ROBO1: variants seen among roughly 807,000 people sequenced by gnomAD.
The protein encoded by ROBO1 is roundabout guidance receptor 1.
ROBO1 carries 149 observed loss-of-function variants against 195.9 expected under a neutral mutation model. That is an observed-to-expected ratio of 0.76 (90% confidence interval 0.67 to 0.87). The LOEUF (loss-of-function observed/expected upper bound fraction) is 0.87. Among genes scored for constraint, ROBO1 ranks in the 40% least tolerant of loss-of-function variants. The pLI, the probability that ROBO1 is intolerant of heterozygous loss-of-function variation, is 0.00. For missense variants in ROBO1, 1,933 were observed against 2,068.3 expected (o/e 0.93, Z 1.27); for synonymous variants, 816 against 733.2 (o/e 1.11, Z -1.82).
intron 9 of ROBO1, among the ~76,000 whole-genome samples, chr3:78,687,243 G>A (rs186452655): frequency 5.3e-5 from 8 of 152,222 alleles, no homozygotes; most frequent in Admixed American, 5.2e-4. Flanking sequence ...CTTCTAAAAT[G>A]CACTTAAAAT....
chr3:78,904,760 A>G (rs2037802968), intron 4 of ROBO1, among the ~76,000 whole-genome samples: 1 of 150,380 alleles, frequency 6.6e-6, no homozygotes, highest in Non-Finnish European at 1.5e-5. Context: ...ATATGTGTGT[A>G]TATATATGTA....
intron 2 of ROBO1, among the ~76,000 whole-genome samples, chr3:79,278,363 C>T (rs1027620757): frequency 1.3e-5 from 2 of 150,010 alleles, no homozygotes; most frequent in Admixed American, 1.3e-4. Context: ...CAAAAGCAAC[C>T]CTGAGCAAAA....
intron 10 of ROBO1, among the ~76,000 whole-genome samples, chr3:78,677,517 T>G (rs1708512236): frequency 6.6e-6 from 1 of 151,922 alleles, no homozygotes; most frequent in Non-Finnish European, 1.5e-5. Flanking sequence ...AGGCAGGGGT[T>G]GCAATCCTAG....
At chr3:79,452,099 C>A (rs1028076546) in intron 2 of ROBO1, among the ~76,000 whole-genome samples, 2 of 151,962 alleles carry the variant, frequency 1.3e-5, no homozygotes, top group African/African-American at 4.8e-5. Flanking sequence ...GTCCCAGTTA[C>A]CATTGTCTTT....
At chr3:79,056,852 T>C (rs2078819161) in intron 3 of ROBO1, among the ~76,000 whole-genome samples, 1 of 152,050 alleles carries the variant, frequency 6.6e-6, no homozygotes, top group African/African-American at 2.4e-5. Context: ...TTCTTCCTCA[T>C]TCTGTGTCAA....
intron 3 of ROBO1, among the ~76,000 whole-genome samples, chr3:79,089,023 A>T (rs2311353): frequency 1 from 151,835 of 152,204 alleles, 75,736 homozygotes; most frequent in Non-Finnish European, 1. Flanking sequence ...GAAAACTTGT[A>T]TTCCTCGCTT....
At chr3:79,314,107 G>T (rs546382961) in intron 2 of ROBO1, among the ~76,000 whole-genome samples, 6 of 152,180 alleles carry the variant, frequency 3.9e-5, no homozygotes, top group African/African-American at 1.4e-4. Context: ...TTCTATCTAG[G>T]TCTCATGCTC....
At chr3:78,929,500 A>ATTTAT (rs1316031110) in intron 4 of ROBO1, among the ~76,000 whole-genome samples, 14 of 150,924 alleles carry the variant, frequency 9.3e-5, no homozygotes, top group Admixed American at 8.6e-4. Flanking sequence ...TTATTTATTT[A>ATTTAT]TTTATTTATT....
intron 2 of ROBO1, among the ~76,000 whole-genome samples, chr3:79,254,722 C>T (rs1048837737): frequency 2.6e-5 from 4 of 152,124 alleles, no homozygotes; most frequent in Non-Finnish European, 4.4e-5. Flanking sequence ...TATGTAACCT[C>T]GGGAAGTCTC....
At chr3:79,337,644 C>T (rs1184716172) in intron 2 of ROBO1, among the ~76,000 whole-genome samples, 2 of 152,200 alleles carry the variant, frequency 1.3e-5, no homozygotes, top group Admixed American at 6.5e-5. Flanking sequence ...AAATACCTTA[C>T]TCATACTTTC....
chr3:79,605,924 A>C (rs568491481), intron 1 of ROBO1, among the ~76,000 whole-genome samples: 8 of 151,712 alleles, frequency 5.3e-5, no homozygotes, highest in Non-Finnish European at 1.2e-4. Flanking sequence ...AAACACGCTC[A>C]GTGTAATATG....
intron 2 of ROBO1, among the ~76,000 whole-genome samples, chr3:79,243,241 CA>C (rs2082556216): frequency 6.6e-6 from 1 of 152,016 alleles, no homozygotes; most frequent in African/African-American, 2.4e-5. Flanking sequence ...CATTGTTGGA[CA>C]TTTGGGTTTG....
chr3:79,555,394 C>T (rs1405459782), intron 2 of ROBO1, among the ~76,000 whole-genome samples: 1 of 152,010 alleles, frequency 6.6e-6, no homozygotes, highest in Non-Finnish European at 1.5e-5. Context: ...TTAGAATAGT[C>T]ATTCTATTTA....
chr3:78,768,596 A>G (rs2083286910), intron 4 of ROBO1, among the ~76,000 whole-genome samples: 1 of 151,884 alleles, frequency 6.6e-6, no homozygotes, highest in Non-Finnish European at 1.5e-5. Context: ...GTTAAAATCA[A>G]TATACATAGA....
chr3:78,874,440 T>C (rs111528133), intron 4 of ROBO1, among the ~76,000 whole-genome samples: 19 of 152,002 alleles, frequency 1.2e-4, no homozygotes, highest in African/African-American at 4.6e-4. Flanking sequence ...ATTTGCATTA[T>C]AACTTATAAT....
chr3:78,972,100 A>T (rs982542885), intron 3 of ROBO1, among the ~76,000 whole-genome samples: 1 of 152,222 alleles, frequency 6.6e-6, no homozygotes, highest in African/African-American at 2.4e-5. Flanking sequence ...AGTTAATTAA[A>T]CACATTCCTT....
intron 2 of ROBO1, among the ~76,000 whole-genome samples, chr3:79,500,179 G>A (rs995707023): frequency 1.5e-5 from 2 of 133,322 alleles, no homozygotes; most frequent in African/African-American, 5.6e-5. Flanking sequence ...CGCCCAGGTT[G>A]GAGTGCAATG....
chr3:79,535,938 A>G (rs920331986), intron 2 of ROBO1, among the ~76,000 whole-genome samples: 12 of 152,006 alleles, frequency 7.9e-5, no homozygotes, highest in African/African-American at 2.9e-4. Context: ...TTGCACATGC[A>G]CAAATAATTT....
chr3:79,485,346 T>G (rs932460627), intron 2 of ROBO1, among the ~76,000 whole-genome samples: 11 of 152,286 alleles, frequency 7.2e-5, no homozygotes, highest in African/African-American at 2.6e-4. Flanking sequence ...CAGTCTAAGT[T>G]GGTGATATTT....
Sources: allele counts gnomAD v4.1 joint callset (sites outside exome capture counted in the v4.1 genomes callset), GRCh38; gene constraint gnomAD v4.1.1; transcripts MANE v1.5; gene names NCBI Gene and HGNC (gene_info 2026-07-23, HGNC 2026-07-21).